Variants in PANX1 observed in about 807,000 individuals in gnomAD.
PANX1 encodes pannexin-1.
PANX1 carries 30 observed loss-of-function variants against 38.7 expected under a neutral mutation model. The ratio of observed to expected loss-of-function variants is 0.78; its 90% CI spans 0.58 to 1.05. The LOEUF is 1.05. Among genes scored for constraint, PANX1 ranks in the 50% least tolerant of loss-of-function variants. The pLI, the probability that PANX1 is intolerant of heterozygous loss-of-function variation, is 0.00. For synonymous variants in PANX1, 230 were observed against 212.2 expected (o/e 1.08, Z -0.73); for missense variants, 551 against 517.2 (o/e 1.07, Z -0.63).
intron 3 of PANX1, 53 bp downstream of exon 3, chr11:94,178,645 C>A: frequency 1.5e-6 from 2 of 1,379,116 alleles, no homozygotes; most frequent in Non-Finnish European, 2.1e-6. Flanking sequence ...AAATTCTCTG[C>A]CCTTCTACTG....
rs144213163 is a variant in PANX1 at position 94,170,898 on chromosome 11, C to G, written c.322-7471C>G. ...GCACAATTGCTGTCCAGCAGGGGAG[C>G]CCACTGTTGACCCAGGAGTTCCTTA... On this transcript the variant is annotated intron_variant, in intron 2 of 4. Transcript: ENST00000227638. 2.8e-4 allele frequency among the ~76,000 whole-genome samples: 42 copies of G among 151,832 alleles called. 1 individual carries two copies. The highest frequency in any genetic ancestry group is 9.7e-4 in the African/African-American group (40 of 41,108).
At chr11:94,154,613 G>A (rs1010301736) in intron 2 of PANX1, among the ~76,000 whole-genome samples, 26 of 152,074 alleles carry the variant, frequency 1.7e-4, no homozygotes, top group South Asian at 2.1e-4. Flanking sequence ...ATCCTTCTTC[G>A]TAAAAGGAAT....
intron 1 of PANX1, among the ~76,000 whole-genome samples, chr11:94,149,406 C>T (rs1384900513): frequency 6.6e-6 from 1 of 152,160 alleles, no homozygotes; most frequent in Non-Finnish European, 1.5e-5. Context: ...GTCAAGGCAC[C>T]TGGAGGAGGG....
Position 94,172,001 on chromosome 11 carries a change from C to T in PANX1, c.322-6368C>T, listed in dbSNP as rs1450541741. ...GATTTCTCTCTGAAACAGGAAAGTC[C>T]GTTTTTGACTGAAAAAAACAATAAG... On this transcript the variant is annotated intron_variant, in intron 2 of 4. Transcript: ENST00000227638. 6.0e-5 allele frequency among the ~76,000 whole-genome samples: 9 copies of T among 151,012 alleles called. No individual in the cohort carries two copies. The South Asian group carries it at 1.5e-3, about 24-fold the overall frequency.
intron 2 of PANX1, among the ~76,000 whole-genome samples, chr11:94,165,542 A>G (rs1304835563): frequency 1.3e-5 from 2 of 152,182 alleles, no homozygotes; most frequent in Non-Finnish European, 2.9e-5. Context: ...TGTATCTATT[A>G]TAGGCTTTTA....
At chr11:94,144,383 C>T (rs1341467122) in intron 1 of PANX1, among the ~76,000 whole-genome samples, 7 of 151,772 alleles carry the variant, frequency 4.6e-5, no homozygotes, top group Non-Finnish European at 7.4e-5. Flanking sequence ...TTGATGATGT[C>T]GTTTTTTTGA....
chr11:94,138,901 T>C (rs1422147092), intron 1 of PANX1, among the ~76,000 whole-genome samples: 2 of 152,240 alleles, frequency 1.3e-5, no homozygotes, highest in Non-Finnish European at 1.5e-5. Flanking sequence ...GATTAGACTG[T>C]CATAGCCCAT....
At chr11:94,153,974 C>G (rs922761053) in intron 2 of PANX1, among the ~76,000 whole-genome samples, 2 of 152,174 alleles carry the variant, frequency 1.3e-5, no homozygotes, top group African/African-American at 4.8e-5. Context: ...CATAGCTAGA[C>G]AGTGGCAGAG....
At position 94,180,989 on chromosome 11, in the gene PANX1, A is replaced by C. The variant is rs1175088242; in HGVS notation, c.*120A>C. 3.0e-6 allele frequency: 2 copies of C among 673,788 alleles called. No individual in the cohort carries two copies. Among genetic ancestry groups the C allele is most frequent in the Admixed American group, 4.6e-5 (2 of 43,184 alleles). 41.7% of individuals were successfully genotyped at this position (673,788 alleles called of 1,614,324 possible). ...TAAATGGTTCTTGGTGGAGATACTGAGCATGTCTTATTGAGTCCCTAATGG... is the reference window on the plus strand; with the variant it reads ...TAAATGGTTCTTGGTGGAGATACTGCGCATGTCTTATTGAGTCCCTAATGG... On this transcript the variant is annotated 3_prime_UTR_variant, in exon 5 of 5. Coordinates refer to ENST00000227638, the MANE Select transcript of PANX1 (RefSeq NM_015368.4).
rs540049160 is a variant in PANX1 at position 94,178,596 on chromosome 11, A to G, written c.545+4A>G. The G allele has an allele frequency of 1.0e-5, 16 of 1,604,598 alleles. No homozygotes were observed. Among genetic ancestry groups the G allele is most frequent in the African/African-American group, 1.3e-5 (1 of 74,688 alleles). On this transcript the variant is annotated splice_donor_region_variant and intron_variant, in intron 3 of 4. Transcript: ENST00000227638. The stretch of plus-strand genomic sequence containing the variant: ...TTACCGAGAACTTAGGGCAAAGGTA[A>G]CTTAGCCCCAGCAGGCAGCTCATCG...
chr11:94,132,929 G>A (rs553183454), intron 1 of PANX1, among the ~76,000 whole-genome samples: 1 of 152,312 alleles, frequency 6.6e-6, no homozygotes, highest in South Asian at 2.1e-4. Context: ...CTCTGTGGGG[G>A]TGGGAGTGTT....
At chr11:94,141,924 G>T (rs1260234029) in intron 1 of PANX1, among the ~76,000 whole-genome samples, 1 of 152,294 alleles carries the variant, frequency 6.6e-6, no homozygotes, top group African/African-American at 2.4e-5. Flanking sequence ...AGCACTCAGC[G>T]CAGGTTAGCT....
At chr11:94,163,165 T>A (rs7111303) in intron 2 of PANX1, among the ~76,000 whole-genome samples, 80,805 of 152,078 alleles carry the variant, frequency 0.53, 22,343 homozygotes, top group African/African-American at 0.67. Flanking sequence ...TCTTACTTTT[T>A]ATTTTAATTT....
At chr11:94,162,581 G>A (rs1005242203) in intron 2 of PANX1, among the ~76,000 whole-genome samples, 1 of 152,130 alleles carries the variant, frequency 6.6e-6, no homozygotes, top group East Asian at 1.9e-4. Context: ...GCAGTATTAG[G>A]GTGGGAGTGA....
intron 2 of PANX1, among the ~76,000 whole-genome samples, chr11:94,156,183 G>C (rs1401100907): frequency 6.6e-6 from 1 of 152,156 alleles, no homozygotes; most frequent in Non-Finnish European, 1.5e-5. Flanking sequence ...CTAGCCTAAA[G>C]GTTATAGGAC....
intron 1 of PANX1, 67 bp from the exon 2 acceptor site, chr11:94,153,424 T>G: frequency 6.4e-7 from 1 of 1,554,844 alleles, no homozygotes; most frequent in Non-Finnish European, 8.8e-7. Flanking sequence ...ACTAAAAACA[T>G]GTGAGATGGG....
At chr11:94,141,942 A>T (rs1000503174) in intron 1 of PANX1, among the ~76,000 whole-genome samples, 22 of 152,152 alleles carry the variant, frequency 1.4e-4, no homozygotes, top group African/African-American at 5.3e-4. Context: ...GCTGCTAAAC[A>T]TCCCCTAATC....
chr11:94,141,465 A>T (rs1946760742), intron 1 of PANX1, among the ~76,000 whole-genome samples: 1 of 151,822 alleles, frequency 6.6e-6, no homozygotes, highest in South Asian at 2.1e-4. Context: ...CCCAGTGCCC[A>T]CCTTTTTCTT....
intron 2 of PANX1, among the ~76,000 whole-genome samples, chr11:94,169,297 TA>T (rs1947137221): frequency 6.6e-6 from 1 of 151,454 alleles, no homozygotes; most frequent in Non-Finnish European, 1.5e-5. Flanking sequence ...TGAGGAAAGT[TA>T]AACAGTGTGC....
Sources: allele counts gnomAD v4.1 joint callset (sites outside exome capture counted in the v4.1 genomes callset), GRCh38; gene constraint gnomAD v4.1.1; transcripts MANE v1.5; gene names NCBI Gene and HGNC (gene_info 2026-07-23, HGNC 2026-07-21).